The following ENTPD4 variants were observed in gnomAD, a reference collection of about 807,000 sequenced individuals.
ENTPD4 encodes Golgi UDPase.
In ENTPD4, 60 loss-of-function variants were observed where a neutral mutation model predicts 79.1. That is an observed-to-expected ratio of 0.76 (90% confidence interval 0.62 to 0.94). The LOEUF (loss-of-function observed/expected upper bound fraction) is 0.94. Among genes scored for constraint, ENTPD4 ranks in the 40% least tolerant of loss-of-function variants. ENTPD4 has a pLI of 0.00. For synonymous variants in ENTPD4, 276 were observed against 292.0 expected, an observed-to-expected ratio of 0.95 and a Z score of 0.56; for missense variants, 772 against 775.1, an observed-to-expected ratio of 1.00 and a Z score of 0.05.
intron 9 of ENTPD4, among the ~76,000 whole-genome samples, chr8:23,439,042 G>C (rs1344610151): frequency 6.6e-6 from 1 of 152,028 alleles, no homozygotes; most frequent in Non-Finnish European, 1.5e-5. Flanking sequence ...CATAACCCCA[G>C]ATTCAGATTT....
chr8:23,449,187 T>C (rs1302348930), intron 2 of ENTPD4, among the ~76,000 whole-genome samples: 3 of 152,186 alleles, frequency 2.0e-5, no homozygotes, highest in Non-Finnish European at 4.4e-5. Flanking sequence ...GACAGTATTA[T>C]GTAGATTTTT....
chr8:23,442,561 T>C (rs182777914), intron 6 of ENTPD4, among the ~76,000 whole-genome samples: 2 of 152,100 alleles, frequency 1.3e-5, no homozygotes, highest in African/African-American at 4.8e-5. Flanking sequence ...GCGGCGCCTG[T>C]AGTCCCAGCT....
At position 23,430,704 on chromosome 8, in the gene ENTPD4, C is replaced by T; in HGVS notation, c.*2222G>A. 1 of 985,472 alleles carries T rather than the reference C, an allele frequency of 1.0e-6. No individual in the cohort carries two copies. The highest frequency in any genetic ancestry group is 1.2e-6 in the Non-Finnish European group (1 of 829,994). 61.0% of individuals were successfully genotyped at this position (985,472 alleles called of 1,614,324 possible). A position where few individuals can be genotyped will look rare whatever the true frequency, so the allele number is the denominator to read the frequency against. On this transcript the variant is annotated 3_prime_UTR_variant, in exon 13 of 13. Transcript: ENST00000358689. ...AGGTATGTGACTAACTCTTCTATGCCCAGAGCTGGAAGGCGGGGTCCCCTA... is the reference window on the plus strand; with the variant it reads ...AGGTATGTGACTAACTCTTCTATGCTCAGAGCTGGAAGGCGGGGTCCCCTA...
chr8:23,434,503 A>G (rs1361137658), intron 11 of ENTPD4, 25 bp from the exon 12 acceptor site: 1 of 1,612,732 alleles, frequency 6.2e-7, no homozygotes, highest in Admixed American at 1.7e-5. Flanking sequence ...CACAAAGGCA[A>G]GTCAGACTGA....
Position 23,434,318 on chromosome 8 carries a change from T to C in ENTPD4, c.1621A>G (p.Arg541Gly), listed in dbSNP as rs1800515580. ...TCGTTCCCAAATTCACAGCCCTACC[T>C]TAATGGTAGAAAGCGGGTCCTGTAG... ...ILYRTRFLPL[R>G]DIQQEAFRAS... The change falls in exon 12 of 13, where the codon AGA becomes GGA. Residue 541 changes from arginine to glycine, a missense_variant and splice_region_variant. By Grantham distance (125) the Arg-to-Gly change is moderately radical. Coordinates refer to ENST00000358689, the MANE Select transcript of ENTPD4 (RefSeq NM_004901.5). 1 of 1,613,796 alleles carries C rather than the reference T, an allele frequency of 6.2e-7. No homozygotes were observed. Among genetic ancestry groups the C allele is most frequent in the Admixed American group, 1.7e-5 (1 of 59,972 alleles).
chr8:23,449,804 T>C, intron 2 of ENTPD4, 89 bp downstream of exon 2: 1 of 1,169,864 alleles, frequency 8.5e-7, no homozygotes, highest in South Asian at 1.2e-5. Flanking sequence ...TTCACATTTT[T>C]CACTTGCGAT....
chr8:23,437,202 A>G lies in ENTPD4; in HGVS notation c.1106T>C (p.Leu369Pro), dbSNP rs774139817. ...GATTTCATCTTTAATGTCTAGGGGT[A>G]GGCAGGGGTCCAAGTACGGCATATC... ...TPDMPYLDPC[L>P]PLDIKDEIQQ... The change falls in exon 10 of 13, where the codon CTA becomes CCA. Residue 369 changes from leucine (L) to proline (P), a missense_variant. Leu to Pro is a moderately conservative substitution (Grantham distance 98). Coordinates refer to ENST00000358689, the MANE Select transcript of ENTPD4 (RefSeq NM_004901.5). The G allele has an allele frequency of 7.4e-6, 12 of 1,614,014 alleles. No individual in the cohort carries two copies. The highest frequency in any genetic ancestry group is 1.0e-5 in the Non-Finnish European group (12 of 1,179,996).
chr8:23,437,346 GCT>G lies in ENTPD4; in HGVS notation c.1050-90_1050-89del, dbSNP rs535258619. ...TGCAAACCAGTGTTTCTCAAAATAC[GCT>G]CTGTGGGACATGAGACCTGCAGGAC... On this transcript the variant is annotated intron_variant, in intron 9 of 12. Coordinates refer to ENST00000358689, the MANE Select transcript of ENTPD4 (RefSeq NM_004901.5). The G allele has an allele frequency of 9.7e-5, 96 of 985,084 alleles. 1 individual carries two copies. In the East Asian group the frequency reaches 2.2e-3, roughly 23 times the overall value. The allele number at this position is 985,084 out of a possible 1,614,324, so 61.0% of individuals were successfully genotyped here.
rs2117270930 is a variant in ENTPD4, at chr8:23,432,287, C to T, written c.*639G>A. The T allele has an allele frequency of 1.0e-6, 1 of 985,392 alleles. No individual in the cohort carries two copies. Among genetic ancestry groups the T allele is most frequent in the South Asian group, 4.7e-5 (1 of 21,284 alleles). 61.0% of individuals were successfully genotyped at this position (985,392 alleles called of 1,614,324 possible). A position where few individuals can be genotyped will look rare whatever the true frequency, so the allele number is the denominator to read the frequency against. ...GCATCACTATTCAGTCCCCTCTCCA[C>T]TGACAGAATGCATCTTTCCACCTCC... On this transcript the variant is annotated 3_prime_UTR_variant, in exon 13 of 13. Coordinates refer to ENST00000358689, the MANE Select transcript of ENTPD4 (RefSeq NM_004901.5).
chr8:23,438,025 A>G (rs751023254), intron 9 of ENTPD4, among the ~76,000 whole-genome samples: 6 of 152,348 alleles, frequency 3.9e-5, no homozygotes, highest in South Asian at 2.1e-4. Flanking sequence ...AGCAGTTTCC[A>G]TTGTACAATG....
intron 3 of ENTPD4, among the ~76,000 whole-genome samples, chr8:23,448,238 G>C (rs530484915): frequency 2.3e-4 from 35 of 152,302 alleles, no homozygotes; most frequent in African/African-American, 8.4e-4. Context: ...TTGGTAGTTA[G>C]CAGTTAACTA....
At chr8:23,451,685 C>G (rs549087339) in intron 1 of ENTPD4, among the ~76,000 whole-genome samples, 2 of 152,200 alleles carry the variant, frequency 1.3e-5, no homozygotes, top group African/African-American at 4.8e-5. Context: ...TCCAGCCACA[C>G]CAATGTTCCG....
At chr8:23,450,561 C>T (rs909380892) in intron 1 of ENTPD4, among the ~76,000 whole-genome samples, 1 of 152,198 alleles carries the variant, frequency 6.6e-6, no homozygotes, top group African/African-American at 2.4e-5. Flanking sequence ...TATCTTTCCT[C>T]GGTCTCACAA....
chr8:23,430,920 C>T lies in ENTPD4; in HGVS notation c.*2006G>A. ...CTTATTAGGTAGCCAGAAGCTCACCCCTTTCTTAACAACTTTGACCACGAA... is the reference window on the plus strand; with the variant it reads ...CTTATTAGGTAGCCAGAAGCTCACCTCTTTCTTAACAACTTTGACCACGAA... On this transcript the variant is annotated 3_prime_UTR_variant, in exon 13 of 13. Coordinates refer to ENST00000358689, the MANE Select transcript of ENTPD4 (RefSeq NM_004901.5). 1.0e-6 allele frequency: 1 copy of T among 985,484 alleles called. No individual in the cohort carries two copies. Among genetic ancestry groups the T allele is most frequent in the Non-Finnish European group, 1.2e-6 (1 of 829,962 alleles). The allele number at this position is 985,484 out of a possible 1,614,324, so 61.0% of individuals were successfully genotyped here. A position where few individuals can be genotyped will look rare whatever the true frequency, so the allele number is the denominator to read the frequency against.
chr8:23,448,217 A>T (rs1800796979), intron 3 of ENTPD4, among the ~76,000 whole-genome samples: 1 of 152,224 alleles, frequency 6.6e-6, no homozygotes, highest in African/African-American at 2.4e-5. Flanking sequence ...AGGACCTCTT[A>T]TGATATGGAT....
intron 10 of ENTPD4, 68 bp downstream of exon 10, chr8:23,436,866 C>T: frequency 8.2e-7 from 1 of 1,219,918 alleles, no homozygotes; most frequent in East Asian, 2.3e-5. Context: ...GAAAGGAGGA[C>T]ATAACCCGTC....
chr8:23,429,604 AACT>A lies in ENTPD4; in HGVS notation c.*3319_*3321del. On this transcript the variant is annotated 3_prime_UTR_variant, in exon 13 of 13. Coordinates refer to ENST00000358689, the MANE Select transcript of ENTPD4 (RefSeq NM_004901.5). ...AGTGATACATGCTCCTTATAAGGAAAACTACTCTGTGTAGGCCTGAGTTTAAAA... is the reference window on the plus strand; with the variant it reads ...AGTGATACATGCTCCTTATAAGGAAAACTCTGTGTAGGCCTGAGTTTAAAA... 1.0e-6 allele frequency: 1 copy of A among 985,452 alleles called. No individual in the cohort carries two copies. The highest frequency in any genetic ancestry group is 1.2e-6 in the Non-Finnish European group (1 of 829,926). The allele number at this position is 985,452 out of a possible 1,614,324, so 61.0% of individuals were successfully genotyped here. A position where few individuals can be genotyped will look rare whatever the true frequency, so the allele number is the denominator to read the frequency against.
intron 9 of ENTPD4, among the ~76,000 whole-genome samples, chr8:23,438,046 T>C (rs558801793): frequency 1.3e-5 from 2 of 152,360 alleles, no homozygotes; most frequent in Admixed American, 1.3e-4. Flanking sequence ...GGCTCTGAGA[T>C]GCCCTGTAGA....
At chr8:23,453,529 GATT>G (rs1800901249) in intron 1 of ENTPD4, among the ~76,000 whole-genome samples, 1 of 152,196 alleles carries the variant, frequency 6.6e-6, no homozygotes, top group Admixed American at 6.5e-5. Context: ...GACAATTTGA[GATT>G]ATTGAAATAA....
Sources: allele counts gnomAD v4.1 joint callset (sites outside exome capture counted in the v4.1 genomes callset), GRCh38; gene constraint gnomAD v4.1.1; transcripts MANE v1.5; gene names NCBI Gene and HGNC (gene_info 2026-07-23, HGNC 2026-07-21).